TCF4: variants seen among roughly 807,000 people sequenced by gnomAD.
TCF4 encodes the protein SL3-3 enhancer factor 2.
In TCF4, 3 loss-of-function variants were observed where a neutral mutation model predicts 82.1. That is an observed-to-expected ratio of 0.04 (90% CI 0.02 to 0.09). The LOEUF is 0.09. TCF4 is among the 10% of genes least tolerant of loss of function. TCF4 has a pLI of 1.00. For synonymous variants in TCF4, 276 were observed against 309.6 expected (o/e 0.89, Z 1.14); for missense variants, 518 against 852.7 (o/e 0.61, Z 4.89).
At chr18:55,355,471 A>G (rs2083279726) in intron 6 of TCF4, among the ~76,000 whole-genome samples, 1 of 152,138 alleles carries the variant, frequency 6.6e-6, no homozygotes, top group African/African-American at 2.4e-5. Context: ...TTGCTGACTT[A>G]CTACAGTAGC....
intron 2 of TCF4, 107 bp from the exon 3 acceptor site, chr18:55,585,459 G>A (rs969896160): frequency 1.0e-5 from 11 of 1,062,844 alleles, no homozygotes; most frequent in African/African-American, 1.6e-5. Context: ...TTTATGCTAA[G>A]GGTTTATTTA....
chr18:55,627,297 TAGAG>T (rs755945357), intron 2 of TCF4, among the ~76,000 whole-genome samples: 11 of 152,082 alleles, frequency 7.2e-5, no homozygotes, highest in African/African-American at 2.4e-5. Context: ...TGTGGAGTGA[TAGAG>T]AGAAAAGCCA....
chr18:55,596,149 G>C, intron 2 of TCF4: 1 of 434,446 alleles, frequency 2.3e-6, no homozygotes, highest in Non-Finnish European at 4.6e-6. Context: ...AGGATAGCTT[G>C]AACCTGGGAG....
chr18:55,294,184 C>A (rs1342732906), intron 8 of TCF4, among the ~76,000 whole-genome samples: 1 of 150,804 alleles, frequency 6.6e-6, no homozygotes, highest in African/African-American at 2.4e-5. Context: ...TGCTTGAACC[C>A]AGGAGACGGA....
intron 6 of TCF4, among the ~76,000 whole-genome samples, chr18:55,353,429 C>T (rs1198485058): frequency 6.6e-6 from 1 of 152,154 alleles, no homozygotes; most frequent in Admixed American, 6.6e-5. Flanking sequence ...TCCTGTTAAT[C>T]TTTATTTTTT....
chr18:55,279,601 G>A lies in TCF4; in HGVS notation c.605C>T (p.Pro202Leu). 1 of 1,614,016 alleles carries A rather than the reference G, an allele frequency of 6.2e-7. No individual in the cohort carries two copies. The highest frequency in any genetic ancestry group is 8.5e-7 in the Non-Finnish European group (1 of 1,179,916). ...AGTGCTGGTTGCTGGTTTGGAGGAA[G>A]GATAGCCTGGCGAGTCCCTATTGTA... is the stretch of plus-strand genomic sequence containing the variant. ...ADYNRDSPGY[P>L]SSKPATSTFP... The change falls in exon 9 of 20, where the codon CCT (proline) becomes CTT (leucine). Residue 202 changes from proline (P) to leucine (L), a missense_variant. Physicochemically the swap from Pro to Leu is moderately conservative, Grantham distance 98. Around this residue, in one of 7 missense-constraint regions of TCF4, gnomAD observed 211 missense variants for 327.4 expected, o/e 0.64. Coordinates refer to ENST00000354452, the MANE Select transcript of TCF4 (RefSeq NM_001083962.2).
At chr18:55,573,695 T>C (rs988112968) in intron 3 of TCF4, among the ~76,000 whole-genome samples, 3 of 152,166 alleles carry the variant, frequency 2.0e-5, no homozygotes, top group African/African-American at 4.8e-5. Flanking sequence ...CTCTGAGCCC[T>C]TCCTGACTGC....
intron 11 of TCF4, among the ~76,000 whole-genome samples, 189 bp from the exon 12 acceptor site, chr18:55,261,722 A>C (rs2058117345): frequency 1.3e-5 from 2 of 152,184 alleles, no homozygotes; most frequent in Admixed American, 6.5e-5. Flanking sequence ...TTACAGATAA[A>C]ATATAAACCT....
chr18:55,493,093 A>G (rs1044129000), intron 3 of TCF4, among the ~76,000 whole-genome samples: 20 of 152,320 alleles, frequency 1.3e-4, no homozygotes, highest in Admixed American at 1.2e-3. Context: ...GAGGACCTCC[A>G]TATCTGTTCA....
chr18:55,321,654 G>C (rs1057468587), intron 8 of TCF4: 98 of 1,536,084 alleles, frequency 6.4e-5, no homozygotes, highest in Admixed American at 4.5e-4. Context: ...CCCCCTCGCA[G>C]CCCGCATTCG....
chr18:55,269,756 A>G (rs774119104), intron 11 of TCF4, 75 bp downstream of exon 11: 3 of 1,589,312 alleles, frequency 1.9e-6, no homozygotes, highest in South Asian at 2.2e-5. Flanking sequence ...CAGTTATGAA[A>G]GGGAAAAAGA....
intron 5 of TCF4, among the ~76,000 whole-genome samples, chr18:55,434,819 T>C (rs989610778): frequency 6.7e-5 from 10 of 148,630 alleles, no homozygotes; most frequent in Admixed American, 6.1e-4. Context: ...TGTAGGTACA[T>C]AGTGGGTATA....
chr18:55,528,667 T>C (rs959597810), intron 3 of TCF4, among the ~76,000 whole-genome samples: 4 of 152,210 alleles, frequency 2.6e-5, no homozygotes, highest in African/African-American at 7.2e-5. Context: ...TAAGTGACTA[T>C]AGCACTAGTG....
At chr18:55,407,167 T>A (rs2094133903) in intron 5 of TCF4, among the ~76,000 whole-genome samples, 1 of 152,276 alleles carries the variant, frequency 6.6e-6, no homozygotes, top group East Asian at 1.9e-4. Context: ...AAGGACCAAA[T>A]GTTAAATTTT....
chr18:55,592,446 C>G (rs554515941), upstream of TCF4, among the ~76,000 whole-genome samples: 1 of 152,160 alleles, frequency 6.6e-6, no homozygotes, highest in Non-Finnish European at 1.5e-5. Context: ...GGTCTTTCTT[C>G]CTCTTCTTAT....
At chr18:55,614,391 T>C (rs1311125002) in intron 2 of TCF4, among the ~76,000 whole-genome samples, 3 of 152,188 alleles carry the variant, frequency 2.0e-5, no homozygotes, top group Non-Finnish European at 4.4e-5. Context: ...GTATAAGTAG[T>C]GTGTAGTGTG....
intron 8 of TCF4, among the ~76,000 whole-genome samples, chr18:55,311,446 C>T (rs899608995): frequency 3.9e-5 from 6 of 152,176 alleles, no homozygotes; most frequent in Non-Finnish European, 7.3e-5. Flanking sequence ...CAATCAAAAG[C>T]GTTTCCAGAT....
At chr18:55,365,156 A>AATATATATATATATATATATATAT (rs139574594) in intron 6 of TCF4, among the ~76,000 whole-genome samples, 15 of 83,532 alleles carry the variant, frequency 1.8e-4, no homozygotes, top group East Asian at 6.5e-4. Context: ...CCATCTCCAA[A>AATATATATATATATATATATATAT]ATATATATAT....
chr18:55,240,106 T>A (rs932703309), intron 15 of TCF4, among the ~76,000 whole-genome samples: 1 of 152,204 alleles, frequency 6.6e-6, no homozygotes, highest in East Asian at 1.9e-4. Context: ...GACCAAGTGA[T>A]AATGACACAA....
Sources: gnomAD v4.1 joint callset for allele counts (sites outside exome capture counted in the v4.1 genomes callset) on GRCh38, gnomAD v4.1.1 for gene constraint, gnomAD v4.1.1 regional missense constraint, MANE v1.5 for transcripts, NCBI Gene and HGNC (gene_info 2026-07-23, HGNC 2026-07-21) for gene names.